The following OR2I1 variants were observed in gnomAD, a reference collection of about 807,000 sequenced individuals.
The protein encoded by OR2I1 is olfactory receptor family 2 subfamily I member 1 (gene/pseudogene), also known as putative olfactory receptor 2I1.
At chr6:29,553,878 C>T in the OR2I1 span, 20 of 398,610 alleles carry the variant, frequency 5.0e-5, no homozygotes, top group Non-Finnish European at 8.8e-5. Flanking sequence ...CCTACGGTGC[C>T]GTGGCCCGAG....
chr6:29,553,979 C>G, the OR2I1 span: 2 of 398,798 alleles, frequency 5.0e-6, no homozygotes, highest in South Asian at 1.3e-4. Flanking sequence ...TTCTACGGCT[C>G]GGCCATCTAC....
the OR2I1 span, chr6:29,556,542 G>T: frequency 1.8e-6 from 1 of 555,686 alleles, no homozygotes; most frequent in Non-Finnish European, 3.2e-6. Context: ...AAGATAATTT[G>T]TCCCATTCCT....
At chr6:29,557,238 G>A in the OR2I1 span, 1 of 152,184 alleles carries the variant, frequency 6.6e-6, no homozygotes, top group Non-Finnish European at 1.5e-5. Flanking sequence ...ACAAGCACTG[G>A]CCTTGACAGG....
chr6:29,553,509 G>C, the OR2I1 span: 8 of 398,414 alleles, frequency 2.0e-5, no homozygotes, highest in Middle Eastern at 6.2e-4. Context: ...GCCACTGCAC[G>C]GCCCAGCTGT....
At chr6:29,553,843 C>T in the OR2I1 span, 1 of 398,756 alleles carries the variant, frequency 2.5e-6, no homozygotes, top group Non-Finnish European at 4.4e-6. Flanking sequence ...CATCCTGCTG[C>T]TGCCGTTTGC....
chr6:29,552,909 T>G, the OR2I1 span: 1 of 222,928 alleles, frequency 4.5e-6, no homozygotes, highest in Non-Finnish European at 8.7e-6. Context: ...TGCTCAAGGA[T>G]TCTTCTGGCC....
At chr6:29,552,958 C>T in the OR2I1 span, 1 of 320,098 alleles carries the variant, frequency 3.1e-6, no homozygotes, top group African/African-American at 2.1e-5. Flanking sequence ...TAAATAAACA[C>T]AGAGTACCTG....
chr6:29,554,186 A>G, the OR2I1 span: 2 of 398,664 alleles, frequency 5.0e-6, no homozygotes, highest in African/African-American at 4.1e-5. Flanking sequence ...GAGGGGAGAA[A>G]GTATTAAGCC....
At chr6:29,555,755 C>A in the OR2I1 span, 1 of 717,524 alleles carries the variant, frequency 1.4e-6, no homozygotes, top group African/African-American at 1.8e-5. Flanking sequence ...CCATCCCACC[C>A]AAATCTTACT....
the OR2I1 span, chr6:29,555,515 G>T: frequency 4.3e-6 from 1 of 234,024 alleles, no homozygotes; most frequent in Non-Finnish European, 8.2e-6. Flanking sequence ...AGTAGAACAT[G>T]GATCCCAACC....
At chr6:29,555,466 T>C in the OR2I1 span, 1 of 182,356 alleles carries the variant, frequency 5.5e-6, no homozygotes, top group Non-Finnish European at 1.1e-5. Flanking sequence ...GTGATATAAA[T>C]AAAGCACTGG....
the OR2I1 span, chr6:29,557,599 C>T: frequency 7.4e-4 from 112 of 152,300 alleles, 1 homozygote; most frequent in African/African-American, 2.6e-3. Flanking sequence ...TCTGCTATAA[C>T]CTATTGGATA....
the OR2I1 span, chr6:29,556,293 T>C: frequency 1.2e-6 from 2 of 1,613,060 alleles, no homozygotes; most frequent in Non-Finnish European, 1.7e-6. Flanking sequence ...TTTTTCACGC[T>C]GTCATATGGG....
chr6:29,550,587 G>A, the OR2I1 span: 2 of 152,302 alleles, frequency 1.3e-5, no homozygotes, highest in Non-Finnish European at 2.9e-5. Context: ...CCTAGATCCT[G>A]AAATTTCACA....
the OR2I1 span, among the ~76,000 whole-genome samples, chr6:29,552,254 A>G: frequency 6.6e-6 from 1 of 152,242 alleles, no homozygotes; most frequent in East Asian, 1.9e-4. Context: ...CATCTAGTTC[A>G]AACTCCTTGA....
At chr6:29,555,116 G>T in the OR2I1 span, 3 of 152,216 alleles carry the variant, frequency 2.0e-5, no homozygotes, top group African/African-American at 7.2e-5. Context: ...GCTTTAGAAA[G>T]TTTGTTCGCT....
chr6:29,553,487 GGCTGC>G, the OR2I1 span: 1 of 398,646 alleles, frequency 2.5e-6, no homozygotes, highest in Non-Finnish European at 4.4e-6. Context: ...CCAGCGCTCT[GGCTGC>G]CGCGCAGCCA....
chr6:29,557,319 G>A, the OR2I1 span: 1 of 152,162 alleles, frequency 6.6e-6, no homozygotes, highest in Non-Finnish European at 1.5e-5. Flanking sequence ...TGTTCCACAA[G>A]CCATAACTAC....
chr6:29,555,854 C>A, the OR2I1 span: 5 of 1,587,674 alleles, frequency 3.1e-6, no homozygotes, highest in Non-Finnish European at 3.5e-6. Flanking sequence ...TTTTTGACCC[C>A]TGCCAACACC....
Sources: gnomAD v4.1 joint callset for allele counts (sites outside exome capture counted in the v4.1 genomes callset) on GRCh38, gnomAD v4.1.1 for gene constraint, MANE v1.5 for transcripts, NCBI Gene and HGNC (gene_info 2026-07-23, HGNC 2026-07-21) for gene names.